The following PTPRM variants were observed in gnomAD, a reference collection of about 807,000 sequenced individuals.
PTPRM encodes the protein receptor-type tyrosine-protein phosphatase mu.
A neutral mutation model predicts 186.7 loss-of-function variants in PTPRM; 47 were observed. The observed-to-expected ratio is 0.25, with a 90% CI of 0.20 to 0.32. The LOEUF is 0.32. Ranked by LOEUF, PTPRM falls within the 10% of genes least tolerant of loss-of-function variation. The pLI, the probability that PTPRM is intolerant of heterozygous loss-of-function variation, is 1.00. For missense variants in PTPRM, 1,494 were observed against 1,865.0 expected (o/e 0.80, Z 3.66); for synonymous variants, 668 against 674.9 (o/e 0.99, Z 0.16).
chr18:7,676,100 A>G (rs1312960672), intron 1 of PTPRM, among the ~76,000 whole-genome samples: 17 of 152,312 alleles, frequency 1.1e-4, no homozygotes. Flanking sequence ...GCACCAAGGC[A>G]TGAAGACATA....
chr18:7,874,536 G>A (rs1390281308), intron 2 of PTPRM, among the ~76,000 whole-genome samples: 1 of 151,310 alleles, frequency 6.6e-6, no homozygotes, highest in African/African-American at 2.4e-5. Context: ...TTTTAAAGTG[G>A]TTATGCTAGA....
At chr18:8,084,119 C>T (rs540247067) in intron 9 of PTPRM, among the ~76,000 whole-genome samples, 1 of 152,260 alleles carries the variant, frequency 6.6e-6, no homozygotes, top group South Asian at 2.1e-4. Context: ...CTGATACCTC[C>T]TTCGGGGAAG....
chr18:7,584,480 C>A (rs73941931), intron 1 of PTPRM, among the ~76,000 whole-genome samples: 3,617 of 151,978 alleles, frequency 0.024, 149 homozygotes, highest in African/African-American at 0.083. Context: ...AACTCAAGGC[C>A]CAGAAAAGTA....
intron 2 of PTPRM, among the ~76,000 whole-genome samples, chr18:7,856,438 A>G (rs755080892): frequency 3.9e-5 from 6 of 152,180 alleles, no homozygotes; most frequent in Non-Finnish European, 8.8e-5. Context: ...TACCCACATT[A>G]GACCAGTTGA....
chr18:7,645,793 C>T (rs906281698), intron 1 of PTPRM, among the ~76,000 whole-genome samples: 1 of 152,090 alleles, frequency 6.6e-6, no homozygotes, highest in South Asian at 2.1e-4. Context: ...ATGTAGCAAC[C>T]CTGATAATCT....
At chr18:7,670,969 T>A (rs777108471) in intron 1 of PTPRM, among the ~76,000 whole-genome samples, 10 of 152,222 alleles carry the variant, frequency 6.6e-5, no homozygotes, top group Non-Finnish European at 1.3e-4. Context: ...ATAAATATTA[T>A]AACATTACAT....
intron 23 of PTPRM, among the ~76,000 whole-genome samples, chr18:8,359,612 GCCTTTGTA>G (rs2095584565): frequency 6.6e-6 from 1 of 152,232 alleles, no homozygotes; most frequent in Non-Finnish European, 1.5e-5. Flanking sequence ...GTGGTCACCT[GCCTTTGTA>G]TCTAAAAAGT....
At chr18:8,291,486 T>C (rs1197342302) in intron 19 of PTPRM, among the ~76,000 whole-genome samples, 1 of 152,192 alleles carries the variant, frequency 6.6e-6, no homozygotes, top group Non-Finnish European at 1.5e-5. Flanking sequence ...TTTTCTACAA[T>C]ATAAATTATT....
intron 19 of PTPRM, among the ~76,000 whole-genome samples, chr18:8,282,641 G>A (rs575561053): frequency 7.9e-5 from 12 of 152,226 alleles, no homozygotes; most frequent in African/African-American, 2.9e-4. Flanking sequence ...CAGCCTGGGC[G>A]ACAAGAGCTA....
intron 11 of PTPRM, among the ~76,000 whole-genome samples, chr18:8,097,866 A>G (rs2091087682): frequency 6.6e-6 from 1 of 152,238 alleles, no homozygotes; most frequent in African/African-American, 2.4e-5. Context: ...AGGAGCATTA[A>G]TTAGATTTAC....
At chr18:8,136,669 G>A (rs1354629273) in intron 13 of PTPRM, among the ~76,000 whole-genome samples, 1 of 152,188 alleles carries the variant, frequency 6.6e-6, no homozygotes, top group Non-Finnish European at 1.5e-5. Context: ...AAATGTGACT[G>A]TAGATTATTC....
intron 1 of PTPRM, among the ~76,000 whole-genome samples, chr18:7,612,905 C>T (rs958329449): frequency 1.3e-5 from 2 of 152,130 alleles, no homozygotes. Context: ...GGAGGGTTCC[C>T]TTCATGTGTT....
chr18:8,142,228 T>A (rs1468337370), intron 13 of PTPRM, among the ~76,000 whole-genome samples: 1 of 152,176 alleles, frequency 6.6e-6, no homozygotes, highest in Non-Finnish European at 1.5e-5. Flanking sequence ...TTTCATAAGG[T>A]GTGTTTTTTG....
rs189732785 is a variant in PTPRM at position 7,717,915 on chromosome 18, C to T, written c.74-56234C>T. ...TCCAGTGCTTGTTGACTCCAGTTCCCGCACCTGTTTGCTTGTGCTCCCTCC... is the reference window on the plus strand; with the variant it reads ...TCCAGTGCTTGTTGACTCCAGTTCCTGCACCTGTTTGCTTGTGCTCCCTCC... On this transcript the variant is annotated intron_variant, in intron 1 of 32. Transcript: ENST00000580170. 3.8e-3 allele frequency among the ~76,000 whole-genome samples: 583 copies of T among 152,256 alleles called. 4 individuals carry two copies. Among genetic ancestry groups the T allele is most frequent in the African/African-American group, 0.013 (541 of 41,546 alleles).
chr18:7,570,352 T>A (rs931229082), intron 1 of PTPRM, among the ~76,000 whole-genome samples: 1 of 152,230 alleles, frequency 6.6e-6, no homozygotes, highest in Non-Finnish European at 1.5e-5. Context: ...AATTGGCTGC[T>A]TTTCACTTGA....
chr18:7,708,607 C>G (rs2040146792), intron 1 of PTPRM, among the ~76,000 whole-genome samples: 1 of 152,030 alleles, frequency 6.6e-6, no homozygotes, highest in South Asian at 2.1e-4. Context: ...TAGATTAGCT[C>G]TCTATTGCTG....
intron 1 of PTPRM, among the ~76,000 whole-genome samples, chr18:7,569,357 C>T (rs2143303807): frequency 6.6e-6 from 1 of 152,286 alleles, no homozygotes; most frequent in East Asian, 1.9e-4. Context: ...AATATCCTTT[C>T]TCCAAGTTTT....
At chr18:8,237,725 T>A (rs1172356506) in intron 14 of PTPRM, among the ~76,000 whole-genome samples, 4 of 152,008 alleles carry the variant, frequency 2.6e-5, no homozygotes, top group Non-Finnish European at 4.4e-5. Flanking sequence ...GGATTACAGG[T>A]GTGAGCCACC....
chr18:8,373,541 T>A (rs1177937179), intron 24 of PTPRM, among the ~76,000 whole-genome samples: 1 of 152,182 alleles, frequency 6.6e-6, no homozygotes, highest in Non-Finnish European at 1.5e-5. Flanking sequence ...GAAACAAAGT[T>A]GACAATGGTC....
Sources: gnomAD v4.1 joint callset for allele counts (sites outside exome capture counted in the v4.1 genomes callset) on GRCh38, gnomAD v4.1.1 for gene constraint, MANE v1.5 for transcripts, NCBI Gene and HGNC (gene_info 2026-07-23, HGNC 2026-07-21) for gene names.